Variants in CASP14 observed in about 807,000 individuals in gnomAD.
CASP14 encodes caspase 14, also known as caspase-14.
In CASP14, 27 loss-of-function variants were observed where a neutral mutation model predicts 28.4. The ratio of observed to expected loss-of-function variants is 0.95; its 90% CI spans 0.70 to 1.31. The LOEUF (loss-of-function observed/expected upper bound fraction) is 1.31. CASP14 is among the 50% of genes most tolerant of loss of function. The probability of loss-of-function intolerance (pLI) is 0.00; values close to 1 mark genes in which losing one functional copy is unlikely to be tolerated. For synonymous variants in CASP14, 115 were observed against 118.6 expected (o/e 0.97, Z 0.20); for missense variants, 323 against 312.8 (o/e 1.03, Z -0.25).
At position 15,055,500 on chromosome 19, in the gene CASP14, G is replaced by A. The variant is rs1297924762; in HGVS notation, c.591G>A (p.Lys197=). Residue 197 remains lysine, a synonymous_variant, in exon 6 of 7, where the codon AAG becomes AAA. Transcript: ENST00000427043. ...FIQTLVDVFT[K]RKGHILELLT... is the part of the protein sequence containing the mutation. ...AGACCCTGGTGGATGTGTTCACGAA[G>A]AGGAAAGGACATATCTTGGAACTTC... The A allele has an allele frequency of 6.2e-7, 1 of 1,614,080 alleles. No individual in the cohort carries two copies. Among genetic ancestry groups the A allele is most frequent in the Admixed American group, 1.7e-5 (1 of 60,024 alleles).
chr19:15,053,414 C>G (rs2046099933), intron 2 of CASP14, 68 bp from the exon 3 acceptor site: 1 of 1,593,958 alleles, frequency 6.3e-7, no homozygotes, highest in Admixed American at 1.7e-5. Context: ...AGCCTGCATG[C>G]CTCTTTTGAC....
At chr19:15,052,954 T>C (rs2046097835) in intron 2 of CASP14, among the ~76,000 whole-genome samples, 2 of 152,218 alleles carry the variant, frequency 1.3e-5, no homozygotes, top group African/African-American at 4.8e-5. Context: ...AATTTGAATT[T>C]CACATCAACA....
At position 15,055,216 on chromosome 19, in the gene CASP14, C is replaced by G; in HGVS notation, c.462C>G (p.Asp154Glu). 1 of 1,613,470 alleles carries G rather than the reference C, an allele frequency of 6.2e-7. No homozygotes were observed. The highest frequency in any genetic ancestry group is 8.5e-7 in the Non-Finnish European group (1 of 1,179,854). Residue 154 changes from aspartate to glutamate, a missense_variant, in exon 5 of 7, where the codon GAC becomes GAG. Transcript: ENST00000427043. Reference protein sequence around the residue: ...GGDEIVMVIKDSPQTIPTYTD... With the variant: ...GGDEIVMVIKESPQTIPTYTD... ...ATGAGATTGTGATGGTCATCAAAGA[C>G]AGCCCACAAACCATCCCAACATACA...
At chr19:15,055,380 TC>T (rs1261277858) in intron 5 of CASP14, 49 bp from the exon 6 acceptor site, 2 of 1,583,430 alleles carry the variant, frequency 1.3e-6, no homozygotes, top group Admixed American at 1.7e-5. Context: ...CAGGATCCCC[TC>T]TACCTACCCT....
intron 6 of CASP14, 60 bp downstream of exon 6, chr19:15,055,593 G>A: frequency 5.1e-6 from 6 of 1,178,710 alleles, no homozygotes; most frequent in South Asian, 1.2e-5. Flanking sequence ...CAGGCGGAGG[G>A]GGCTGAGCCT....
chr19:15,050,243 C>T (rs982723229), intron 1 of CASP14, among the ~76,000 whole-genome samples: 1 of 151,960 alleles, frequency 6.6e-6, no homozygotes, highest in African/African-American at 2.4e-5. Flanking sequence ...GGCTATGCTC[C>T]TTCCACTTCC....
rs1568315612 is a variant in CASP14 at position 15,055,145 on chromosome 19, CT to C, written c.404-11del. 2 of 1,609,500 alleles carry C rather than the reference CT, an allele frequency of 1.2e-6. No individual in the cohort carries two copies. The highest frequency in any genetic ancestry group is 1.7e-6 in the Non-Finnish European group (2 of 1,175,868). ...CTCTCTGACTTTGCCTCCTCCTCTT[CT>C]TGTTGTTTCAGAACAAAGGGACCCC... is the stretch of plus-strand genomic sequence containing the variant. On this transcript the variant is annotated splice_polypyrimidine_tract_variant and intron_variant, in intron 4 of 6. Coordinates refer to ENST00000427043, the MANE Select transcript of CASP14 (RefSeq NM_012114.3).
At chr19:15,054,385 G>A (rs551942321) in intron 4 of CASP14, among the ~76,000 whole-genome samples, 12 of 152,176 alleles carry the variant, frequency 7.9e-5, no homozygotes, top group African/African-American at 1.4e-4. Context: ...CAAGACTAGC[G>A]TCGAGCAATG....
rs142817732 is a variant in CASP14, at chr19:15,052,265, G to A, written c.14G>A (p.Arg5Gln). 1,077 of 1,592,236 alleles carry A rather than the reference G, an allele frequency of 6.8e-4. No homozygotes were observed. Among genetic ancestry groups the A allele is most frequent in the Non-Finnish European group, 8.5e-4 (998 of 1,170,524 alleles). Residue 5 changes from arginine (R) to glutamine (Q), a missense_variant, in exon 2 of 7, where the codon CGG becomes CAG. Coordinates refer to ENST00000427043, the MANE Select transcript of CASP14 (RefSeq NM_012114.3). The stretch of plus-strand genomic sequence containing the variant: ...ACCAAAGGAGAAATGAGCAATCCGC[G>A]GTCTTTGGAAGAGGTAGGCTGGGTG... MSNP[R>Q]SLEEEKYDMS...
rs2046116676 is a variant in CASP14 at position 15,056,156 on chromosome 19, C to G, written c.*67C>G. 5.6e-6 allele frequency: 7 copies of G among 1,244,734 alleles called. No individual in the cohort carries two copies. The highest frequency in any genetic ancestry group is 8.0e-6 in the Non-Finnish European group (7 of 872,526). 77.1% of individuals were successfully genotyped at this position (1,244,734 alleles called of 1,614,324 possible). On this transcript the variant is annotated 3_prime_UTR_variant, in exon 7 of 7. Coordinates refer to ENST00000427043, the MANE Select transcript of CASP14 (RefSeq NM_012114.3). ...CTGTCTCACAGAAATTTAGAGGCAG[C>G]TCTTACCTCTCCCCAAGATCTTCTG... is the stretch of plus-strand genomic sequence containing the variant.
Position 15,053,506 on chromosome 19 carries a change from C to G in CASP14, c.52C>G (p.Arg18Gly). Residue 18 changes from arginine to glycine, a missense_variant, in exon 3 of 7, where the codon CGC becomes GGC. By Grantham distance (125) the Arg-to-Gly change is moderately radical. Coordinates refer to ENST00000427043, the MANE Select transcript of CASP14 (RefSeq NM_012114.3). The stretch of plus-strand genomic sequence containing the variant: ...GGAGAAATATGATATGTCAGGTGCC[C>G]GCCTGGCCCTAATACTGTGTGTCAC... ...EEEKYDMSGA[R>G]LALILCVTKA... The G allele has an allele frequency of 6.2e-7, 1 of 1,614,068 alleles. No homozygotes were observed. The highest frequency in any genetic ancestry group is 8.5e-7 in the Non-Finnish European group (1 of 1,180,004).
chr19:15,055,283 T>C lies in CASP14; in HGVS notation c.520+9T>C, dbSNP rs1190866786. On this transcript the variant is annotated intron_variant, in intron 5 of 6. Coordinates refer to ENST00000427043, the MANE Select transcript of CASP14 (RefSeq NM_012114.3). ...TTATTCCACGGTAGAGGGTATGAGC[T>C]CCCAGCTGGCCCAGGGATCCCTCTG... is the stretch of plus-strand genomic sequence containing the variant. The C allele has an allele frequency of 6.2e-7, 1 of 1,609,300 alleles. No individual in the cohort carries two copies. The highest frequency in any genetic ancestry group is 8.5e-7 in the Non-Finnish European group (1 of 1,175,756).
In CASP14 at chr19:15,058,195, C is replaced by T. The variant is rs1313438628; in HGVS notation, c.*2106C>T. ...TTTTCTGATTGATCCTTCCCTCTCA[C>T]CCAGGATTAGATGCTGGAAATGACC... On this transcript the variant is annotated 3_prime_UTR_variant, in exon 7 of 7. Coordinates refer to ENST00000427043, the MANE Select transcript of CASP14 (RefSeq NM_012114.3). The T allele has an allele frequency of 2.0e-5, 3 of 152,168 alleles. No homozygotes were observed. The highest frequency in any genetic ancestry group is 7.2e-5 in the African/African-American group (3 of 41,422). The allele number at this position is 152,168 out of a possible 1,614,324, so 9.4% of individuals were successfully genotyped here.
chr19:15,053,546 G>T lies in CASP14; in HGVS notation c.92G>T (p.Gly31Val), dbSNP rs150848274. 3.7e-6 allele frequency: 6 copies of T among 1,614,178 alleles called. No homozygotes were observed. Among genetic ancestry groups the T allele is most frequent in the South Asian group, 2.2e-5 (2 of 91,082 alleles). ...CTGTGTGTCACCAAAGCCCGGGAAG[G>T]TTCCGAAGAAGACCTGGATGCTCTG... is the stretch of plus-strand genomic sequence containing the variant. ...LILCVTKARE[G>V]SEEDLDALEH... Residue 31 changes from glycine to valine, a missense_variant, in exon 3 of 7, where the codon GGT becomes GTT. Physicochemically the swap from Gly to Val is moderately radical, Grantham distance 109. Coordinates refer to ENST00000427043, the MANE Select transcript of CASP14 (RefSeq NM_012114.3).
At position 15,050,315 on chromosome 19, in the gene CASP14, TGTGTGTGAGA is replaced by T. The variant is rs1600066767; in HGVS notation, c.-47+672_-47+681del. On this transcript the variant is annotated intron_variant, in intron 1 of 6. Coordinates refer to ENST00000427043, the MANE Select transcript of CASP14 (RefSeq NM_012114.3). ...CTTGCTGTGTGTGTGTGTGAGTGTGTGTGTGTGAGAGAGAGAGAGAGAGAGAGAGATTTAA... is the reference window on the plus strand; with the variant it reads ...CTTGCTGTGTGTGTGTGTGAGTGTGTGAGAGAGAGAGAGAGAGAGATTTAA... Among the ~76,000 whole-genome samples the T allele has an allele frequency of 4.5e-5, 6 of 132,722 alleles. No individual in the cohort carries two copies. In the East Asian group the frequency reaches 1.2e-3, roughly 28 times the overall value. 87.1% of individuals were successfully genotyped at this position (132,722 alleles called of 152,430 possible).
Position 15,052,210 on chromosome 19 carries a change from A to C in CASP14, c.-42A>C. 2 of 1,577,682 alleles carry C rather than the reference A, an allele frequency of 1.3e-6. No individual in the cohort carries two copies. Among genetic ancestry groups the C allele is most frequent in the Non-Finnish European group, 1.7e-6 (2 of 1,163,694 alleles). On this transcript the variant is annotated 5_prime_UTR_variant, in exon 2 of 7. Coordinates refer to ENST00000427043, the MANE Select transcript of CASP14 (RefSeq NM_012114.3). ...CTATCTTCTCTTGACTCCAAGGATC[A>C]GACAAGGGTGCTGAGAGCCGGGACT...
At chr19:15,051,217 G>A (rs914422080) in intron 1 of CASP14, among the ~76,000 whole-genome samples, 6 of 149,858 alleles carry the variant, frequency 4.0e-5, no homozygotes, top group East Asian at 2.0e-4. Context: ...AAGCATTCCC[G>A]GTGGGGTGCA....
chr19:15,051,754 T>G (rs1003817173), intron 1 of CASP14, among the ~76,000 whole-genome samples: 1 of 152,114 alleles, frequency 6.6e-6, no homozygotes, highest in Non-Finnish European at 1.5e-5. Context: ...CCCACTTCGA[T>G]GACATTCTCC....
At chr19:15,051,752 G>A (rs11085944) in intron 1 of CASP14, among the ~76,000 whole-genome samples, 27,532 of 152,012 alleles carry the variant, frequency 0.18, 2,559 homozygotes, top group Admixed American at 0.25. Flanking sequence ...TCCCCACTTC[G>A]ATGACATTCT....
Sources: gnomAD v4.1 joint callset for allele counts (sites outside exome capture counted in the v4.1 genomes callset) on GRCh38, gnomAD v4.1.1 for gene constraint, MANE v1.5 for transcripts, NCBI Gene and HGNC (gene_info 2026-07-23, HGNC 2026-07-21) for gene names.